Variants in EPB41L3 observed in about 807,000 individuals in gnomAD.
EPB41L3 encodes the protein erythrocyte membrane protein band 4.1 like 3.
A neutral mutation model predicts 127.1 loss-of-function variants in EPB41L3; 57 were observed. That is an observed-to-expected ratio of 0.45 (90% CI 0.36 to 0.56). The LOEUF (loss-of-function observed/expected upper bound fraction) is 0.56. Among genes scored for constraint, EPB41L3 ranks in the 20% least tolerant of loss-of-function variants. EPB41L3 has a pLI of 0.00. For synonymous variants in EPB41L3, 572 were observed against 549.5 expected (o/e 1.04, Z -0.57); for missense variants, 1,273 against 1,372.2 (o/e 0.93, Z 1.14).
chr18:5,622,444 G>A (rs2094873778), intron 1 of EPB41L3, among the ~76,000 whole-genome samples: 3 of 152,154 alleles, frequency 2.0e-5, no homozygotes, highest in Admixed American at 1.3e-4. Flanking sequence ...AGTACCTACT[G>A]GTACTGAAAC....
intron 1 of EPB41L3, among the ~76,000 whole-genome samples, chr18:5,524,816 C>G (rs868678953): frequency 6.6e-6 from 1 of 152,160 alleles, no homozygotes; most frequent in Non-Finnish European, 1.5e-5. Flanking sequence ...CAGCAGTGCA[C>G]TGGCCAGGTC....
intron 2 of EPB41L3, among the ~76,000 whole-genome samples, chr18:5,485,197 A>C (rs8096929): frequency 0.28 from 41,919 of 151,950 alleles, 7,179 homozygotes; most frequent in African/African-American, 0.48. Context: ...TTAAACATAC[A>C]AAAATCAATA....
At chr18:5,415,094 C>T (rs2076638467) in intron 13 of EPB41L3, among the ~76,000 whole-genome samples, 1 of 152,224 alleles carries the variant, frequency 6.6e-6, no homozygotes, top group Non-Finnish European at 1.5e-5. Flanking sequence ...AAATTTCAGC[C>T]TGCCTTTACA....
intron 3 of EPB41L3, among the ~76,000 whole-genome samples, chr18:5,594,658 A>G (rs1458693535): frequency 6.6e-6 from 1 of 152,166 alleles, no homozygotes; most frequent in Admixed American, 6.6e-5. Context: ...AAGGCAGACT[A>G]AAAAACCAGC....
At position 5,416,390 on chromosome 18, in the gene EPB41L3, GAGAC is replaced by G. The variant is rs765430265; in HGVS notation, c.1507-16_1507-13del. ...CCAAGCCCAGGTGACTGATGTGAAA[GAGAC>G]AGAAAGAGACAGAAAGCAGCAAACA... is the stretch of plus-strand genomic sequence containing the variant. On this transcript the variant is annotated splice_polypyrimidine_tract_variant and intron_variant, in intron 12 of 22. Coordinates refer to ENST00000341928, the MANE Select transcript of EPB41L3 (RefSeq NM_012307.5). 5 of 1,587,182 alleles carry G rather than the reference GAGAC, an allele frequency of 3.2e-6. No homozygotes were observed. The highest frequency in any genetic ancestry group is 2.7e-5 in the African/African-American group (2 of 74,358).
In EPB41L3 at chr18:5,398,112, T is replaced by C. The variant is rs1367534477; in HGVS notation, c.2381A>G (p.Asp794Gly). 6.2e-7 allele frequency: 1 copy of C among 1,614,058 alleles called. No homozygotes were observed. Among genetic ancestry groups the C allele is most frequent in the Non-Finnish European group, 8.5e-7 (1 of 1,180,016 alleles). The change falls in exon 17 of 23, where the codon GAT becomes GGT. Residue 794 changes from aspartate (D) to glycine (G), a missense_variant. By Grantham distance (94) the Asp-to-Gly change is moderately conservative (BLOSUM62 -1). This residue lies in a region of EPB41L3 where 765 missense variants were observed against 782.9 expected (regional missense o/e 0.98). Coordinates refer to ENST00000341928, the MANE Select transcript of EPB41L3 (RefSeq NM_012307.5). ...TAATAAACTGAAGATTTCAGAGCCA[T>C]CCATGAGCTTTTCCCCAGAAGACTG... ...TKQSSGEKLM[D>G]GSEIFSLLES... is the part of the protein sequence containing the mutation.
intron 12 of EPB41L3, among the ~76,000 whole-genome samples, chr18:5,416,973 A>G (rs1347067282): frequency 6.6e-6 from 1 of 152,184 alleles, no homozygotes; most frequent in Non-Finnish European, 1.5e-5. Flanking sequence ...ATAAGTAGTT[A>G]CAATCAGGGA....
chr18:5,544,342 G>A (rs147433444), upstream of EPB41L3: 5 of 985,016 alleles, frequency 5.1e-6, no homozygotes, highest in African/African-American at 8.7e-5. Context: ...GACATCCCCT[G>A]TGAGAAAGGA....
chr18:5,497,946 A>G (rs1327708283), intron 1 of EPB41L3, among the ~76,000 whole-genome samples: 1 of 152,184 alleles, frequency 6.6e-6, no homozygotes, highest in African/African-American at 2.4e-5. Context: ...AGTCTCCGTA[A>G]AATTTTAACG....
upstream of EPB41L3, among the ~76,000 whole-genome samples, chr18:5,629,420 C>CACACACACAG (rs1310578873): frequency 1.9e-3 from 256 of 136,738 alleles, no homozygotes; most frequent in African/African-American, 8.4e-3. Flanking sequence ...ACACACCACA[C>CACACACACAG]ACACACACAC....
intron 3 of EPB41L3, among the ~76,000 whole-genome samples, chr18:5,590,969 C>T (rs1284943274): frequency 3.3e-5 from 5 of 152,092 alleles, no homozygotes; most frequent in Non-Finnish European, 5.9e-5. Context: ...GATGGAACTG[C>T]TCTGTATCCT....
chr18:5,519,789 T>C (rs1047674293), intron 1 of EPB41L3, among the ~76,000 whole-genome samples: 2 of 152,242 alleles, frequency 1.3e-5, no homozygotes, highest in African/African-American at 4.8e-5. Flanking sequence ...CTTTCCTACA[T>C]TTGCGGATTT....
intron 3 of EPB41L3, among the ~76,000 whole-genome samples, chr18:5,609,611 T>C (rs1202626154): frequency 6.6e-6 from 1 of 152,164 alleles, no homozygotes; most frequent in Admixed American, 6.6e-5. Flanking sequence ...AGCAGGGAAG[T>C]CATGTCAAGA....
At chr18:5,435,400 G>A (rs1374486336) in intron 6 of EPB41L3, among the ~76,000 whole-genome samples, 2 of 152,292 alleles carry the variant, frequency 1.3e-5, no homozygotes, top group East Asian at 3.9e-4. Context: ...TTCATGGTAA[G>A]TGGCCTACAC....
intron 16 of EPB41L3, among the ~76,000 whole-genome samples, chr18:5,403,235 C>T (rs1024281230): frequency 6.6e-6 from 1 of 152,082 alleles, no homozygotes; most frequent in African/African-American, 2.4e-5. Flanking sequence ...GTTTATTTGC[C>T]TATTTTCTAA....
chr18:5,602,268 C>T (rs531944583), intron 3 of EPB41L3, among the ~76,000 whole-genome samples: 3 of 152,246 alleles, frequency 2.0e-5, no homozygotes, highest in East Asian at 1.9e-4. Context: ...AAATGCTGCA[C>T]GTTTTCCATC....
intron 11 of EPB41L3, among the ~76,000 whole-genome samples, chr18:5,421,604 G>A (rs1294910828): frequency 2.0e-5 from 3 of 152,198 alleles, no homozygotes; most frequent in African/African-American, 7.2e-5. Flanking sequence ...AATATAAAAT[G>A]TGGTATATAT....
chr18:5,570,650 C>T (rs1030819263), intron 3 of EPB41L3: 5 of 151,900 alleles, frequency 3.3e-5, no homozygotes, highest in African/African-American at 9.7e-5. Context: ...ATGTGCACAA[C>T]GTGCAGGTTT....
intron 1 of EPB41L3, among the ~76,000 whole-genome samples, chr18:5,516,562 C>A (rs2092758459): frequency 6.6e-6 from 1 of 152,200 alleles, no homozygotes; most frequent in South Asian, 2.1e-4. Context: ...AAAATGTTAA[C>A]CACTGTGAAC....
Sources: gnomAD v4.1 joint callset for allele counts (sites outside exome capture counted in the v4.1 genomes callset) on GRCh38, gnomAD v4.1.1 for gene constraint, gnomAD v4.1.1 regional missense constraint, MANE v1.5 for transcripts, NCBI Gene and HGNC (gene_info 2026-07-23, HGNC 2026-07-21) for gene names.